IQGAP3: variants seen among roughly 807,000 people sequenced by gnomAD.
IQGAP3 encodes IQ motif containing GTPase activating protein 3.
In IQGAP3, 165 loss-of-function variants were observed where a neutral mutation model predicts 208.2. The observed-to-expected ratio is 0.79, with a 90% confidence interval of 0.70 to 0.90. The LOEUF is 0.90. IQGAP3 is among the 40% of genes least tolerant of loss of function. The probability of loss-of-function intolerance (pLI) is 0.00; values close to 1 mark genes in which losing one functional copy is unlikely to be tolerated. For missense variants in IQGAP3, 1,811 were observed against 2,043.1 expected, an observed-to-expected ratio of 0.89 and a Z score of 2.19; for synonymous variants, 703 against 803.6, an observed-to-expected ratio of 0.87 and a Z score of 2.12.
At position 156,530,280 on chromosome 1, in the gene IQGAP3, G is replaced by A. The variant is rs1044754353; in HGVS notation, c.4229C>T (p.Ala1410Val). 3 of 1,611,104 alleles carry A rather than the reference G, an allele frequency of 1.9e-6. No homozygotes were observed. The highest frequency in any genetic ancestry group is 2.2e-5 in the East Asian group (1 of 44,894). ...AHKQLMSRRQACTAQTPEPLR... is the reference protein window; with the variant it reads ...AHKQLMSRRQVCTAQTPEPLR... Reference sequence around the variant, plus strand: ...TGGCTCCGGTGTCTGGGCTGTACAGGCCTGGCGTCGGCTCATCAGCTGCTT... The same window carrying A: ...TGGCTCCGGTGTCTGGGCTGTACAGACCTGGCGTCGGCTCATCAGCTGCTT... The change falls in exon 34 of 38, where the codon GCC (alanine) becomes GTC (valine). Residue 1410 changes from alanine to valine, a missense_variant. Physicochemically the swap from Ala to Val is moderately conservative, Grantham distance 64. Coordinates refer to ENST00000361170, the MANE Select transcript of IQGAP3 (RefSeq NM_178229.5).
At chr1:156,562,153 AT>A in intron 9 of IQGAP3, 152 bp from the exon 10 acceptor site, 1 of 723,788 alleles carries the variant, frequency 1.4e-6, no homozygotes, top group East Asian at 2.7e-5. Context: ...TTCAGCCCAA[AT>A]TCTTCAGCTT....
Position 156,551,963 on chromosome 1 carries a change from A to C in IQGAP3, c.1570+11T>G. The C allele has an allele frequency of 6.2e-7, 1 of 1,612,810 alleles. No individual in the cohort carries two copies. The highest frequency in any genetic ancestry group is 8.5e-7 in the Non-Finnish European group (1 of 1,179,210). Reference sequence around the variant, plus strand: ...TTGGGCCATCTCCACCCAGCTCCAGACTATACTTACGGTCAGTCTCTTCCT... The same window carrying C: ...TTGGGCCATCTCCACCCAGCTCCAGCCTATACTTACGGTCAGTCTCTTCCT... On this transcript the variant is annotated intron_variant, in intron 14 of 37. Coordinates refer to ENST00000361170, the MANE Select transcript of IQGAP3 (RefSeq NM_178229.5).
chr1:156,544,448 G>A lies in IQGAP3; in HGVS notation c.2329C>T (p.Arg777Trp), dbSNP rs757525039. 1.4e-5 allele frequency: 22 copies of A among 1,613,788 alleles called. No homozygotes were observed. The highest frequency in any genetic ancestry group is 2.2e-5 in the East Asian group (1 of 44,904). ...IQAHWRGYRQRKIYLEWLQYF... is the reference protein window; with the variant it reads ...IQAHWRGYRQWKIYLEWLQYF... ...TGCAACCACTCCAGGTAAATCTTCC[G>A]CTGCCTATAACCCCGCCAATGAGCC... is the stretch of plus-strand genomic sequence containing the variant. The change falls in exon 20 of 38, where the codon CGG becomes TGG. Residue 777 changes from arginine (R) to tryptophan (W), a missense_variant. Transcript: ENST00000361170.
chr1:156,537,125 TG>T, intron 27 of IQGAP3, 55 bp downstream of exon 27: 2 of 1,568,724 alleles, frequency 1.3e-6, no homozygotes, highest in Non-Finnish European at 1.7e-6. Context: ...CTCCCCATGG[TG>T]GCCTGGCCCT....
Position 156,566,055 on chromosome 1 carries a change from G to A in IQGAP3, c.332C>T (p.Ser111Phe), listed in dbSNP as rs1221749675. 3 of 1,613,684 alleles carry A rather than the reference G, an allele frequency of 1.9e-6. No individual in the cohort carries two copies. The East Asian group carries it at 6.7e-5, about 36-fold the overall frequency. The change falls in exon 4 of 38, where the codon TCT (serine) becomes TTT (phenylalanine). Residue 111 changes from serine (S) to phenylalanine (F), a missense_variant. Transcript: ENST00000361170. ...RHTDNINFWLSAIAHIGLPST... is the reference protein window; with the variant it reads ...RHTDNINFWLFAIAHIGLPST... ...AGGCAGACCGATGTGGGCTATTGCA[G>A]ATAGCCAAAAGTTGATGTTGTCTGT...
At position 156,528,900 on chromosome 1, in the gene IQGAP3, G is replaced by A. The variant is rs370886023; in HGVS notation, c.4571+16C>T. Reference sequence around the variant, plus strand: ...AGTCACTCGTAACCTTCCAAGTACGGGAAAGCAGCACCTACTTGGAGTCGG... The same window carrying A: ...AGTCACTCGTAACCTTCCAAGTACGAGAAAGCAGCACCTACTTGGAGTCGG... On this transcript the variant is annotated intron_variant, in intron 35 of 37. Transcript: ENST00000361170. 6.2e-7 allele frequency: 1 copy of A among 1,613,962 alleles called. No homozygotes were observed. The highest frequency in any genetic ancestry group is 1.3e-5 in the African/African-American group (1 of 74,930).
rs139296055 is a variant in IQGAP3, at chr1:156,531,150, G to A, written c.4191+10C>T. 3.9e-4 allele frequency: 618 copies of A among 1,600,726 alleles called. 1 individual carries two copies. The African/African-American group carries it at 5.7e-3, about 15-fold the overall frequency. ...TGAGACAGAACCTGTGGGCCAGCCC[G>A]GCTACTCACTTGCTCTCTGGAAGCC... On this transcript the variant is annotated intron_variant, in intron 33 of 37. Coordinates refer to ENST00000361170, the MANE Select transcript of IQGAP3 (RefSeq NM_178229.5).
At chr1:156,565,843 G>A (rs1001068191) in intron 4 of IQGAP3, among the ~76,000 whole-genome samples, 184 bp downstream of exon 4, 1 of 152,194 alleles carries the variant, frequency 6.6e-6, no homozygotes, top group Non-Finnish European at 1.5e-5. Flanking sequence ...CAGGGAAGAG[G>A]AGGCAGAGAA....
chr1:156,550,054 C>T (rs755123215), intron 16 of IQGAP3, among the ~76,000 whole-genome samples: 9 of 152,206 alleles, frequency 5.9e-5, no homozygotes, highest in Non-Finnish European at 1.0e-4. Context: ...TGGATTCTCA[C>T]CTCCTGAGAA....
chr1:156,540,712 A>C lies in IQGAP3; in HGVS notation c.2735T>G (p.Leu912Arg), dbSNP rs1674935874. The change falls in exon 23 of 38, where the codon CTG becomes CGG. Residue 912 changes from leucine to arginine, a missense_variant. Physicochemically the swap from Leu to Arg is moderately radical, Grantham distance 102. Transcript: ENST00000361170. ...IGLLVKNRITLQEVVSHCKKL... is the reference protein window; with the variant it reads ...IGLLVKNRITRQEVVSHCKKL... ...GAGGACTGGTGGGCCCCATACCTGC[A>C]GAGTGATCCGGTTCTTCACCAGCAG... The C allele has an allele frequency of 6.2e-7, 1 of 1,613,768 alleles. No individual in the cohort carries two copies. The highest frequency in any genetic ancestry group is 2.2e-5 in the East Asian group (1 of 44,884).
intron 33 of IQGAP3, among the ~76,000 whole-genome samples, chr1:156,530,752 G>A (rs1237525440): frequency 6.6e-6 from 1 of 152,190 alleles, no homozygotes; most frequent in Non-Finnish European, 1.5e-5. Flanking sequence ...GGAAGACCCT[G>A]GTTCAGTCTT....
chr1:156,563,653 G>C lies in IQGAP3; in HGVS notation c.519C>G (p.Ser173Arg). 6.2e-7 allele frequency: 1 copy of C among 1,612,920 alleles called. No individual in the cohort carries two copies. Among genetic ancestry groups the C allele is most frequent in the South Asian group, 1.1e-5 (1 of 90,730 alleles). ...ATTTGGCCAGTTCGGACGCCATGTT[G>C]CTGAGTTCCTCAGCTGCAATGATGC... ...GKVKFTAEEL[S>R]NMASELAKYG... The change falls in exon 7 of 38, where the codon AGC becomes AGG. Residue 173 changes from serine (S) to arginine (R), a missense_variant. Coordinates refer to ENST00000361170, the MANE Select transcript of IQGAP3 (RefSeq NM_178229.5).
At chr1:156,568,016 T>C (rs1380123287) in intron 2 of IQGAP3, among the ~76,000 whole-genome samples, 1 of 152,242 alleles carries the variant, frequency 6.6e-6, no homozygotes, top group Non-Finnish European at 1.5e-5. Context: ...AACTCCCAGA[T>C]TGAACTTAGC....
rs1339957134 is a variant in IQGAP3 at position 156,548,168 on chromosome 1, G to A, written c.2209C>T (p.Leu737Phe). Residue 737 changes from leucine to phenylalanine, a missense_variant, in exon 19 of 38, where the codon CTC becomes TTC. Physicochemically the swap from Leu to Phe is conservative, Grantham distance 22. Transcript: ENST00000361170. Reference protein sequence around the residue: ...WKANVGFVIQLQARLRGFLVR... With the variant: ...WKANVGFVIQFQARLRGFLVR... ...AGGAAGCCACGGAGGCGGGCCTGGA[G>A]CTGGATAACAAAGCCGACGTTGGCT... 2.5e-6 allele frequency: 4 copies of A among 1,614,016 alleles called. No individual in the cohort carries two copies. The highest frequency in any genetic ancestry group is 3.4e-6 in the Non-Finnish European group (4 of 1,180,000).
At chr1:156,571,080 G>A (rs193276069) in intron 1 of IQGAP3, among the ~76,000 whole-genome samples, 9 of 152,306 alleles carry the variant, frequency 5.9e-5, no homozygotes, top group Non-Finnish European at 1.2e-4. Context: ...GTCACCCGAG[G>A]AGGAAAAGAA....
At position 156,564,590 on chromosome 1, in the gene IQGAP3, G is replaced by A. The variant is rs778501880; in HGVS notation, c.437+25C>T. The A allele has an allele frequency of 3.3e-6, 5 of 1,519,124 alleles. No homozygotes were observed. The South Asian group carries it at 4.5e-5, about 14-fold the overall frequency. The allele number at this position is 1,519,124 out of a possible 1,614,324, so 94.1% of individuals were successfully genotyped here. ...GGTCGCATCCACCTAGAGGAACCTG[G>A]ATGATAAAATTTGAGGTCTCTCACC... On this transcript the variant is annotated intron_variant, in intron 5 of 37. Coordinates refer to ENST00000361170, the MANE Select transcript of IQGAP3 (RefSeq NM_178229.5).
At chr1:156,562,720 C>T in intron 8 of IQGAP3, 55 bp from the exon 9 acceptor site, 1 of 1,377,156 alleles carries the variant, frequency 7.3e-7, no homozygotes, top group Non-Finnish European at 1.0e-6. Context: ...TCTCCTTGTC[C>T]TGCTCTTCCC....
In IQGAP3 at chr1:156,530,193, C is replaced by T. The variant is rs201439773; in HGVS notation, c.4316G>A (p.Arg1439His). Residue 1439 changes from arginine to histidine, a missense_variant, in exon 34 of 38, where the codon CGC (arginine) becomes CAC (histidine). Transcript: ENST00000361170. ...AAGTCGGCGTAGGTTCCGCAGGACG[C>T]GCCGCTGCTTCTCTGCCAGTGGCAG... ...SLLPLAEKQR[R>H]VLRNLRRLEA... The T allele has an allele frequency of 6.8e-5, 109 of 1,612,744 alleles. 3 individuals carry two copies. The highest frequency in any genetic ancestry group is 5.0e-4 in the South Asian group (45 of 90,634).
chr1:156,534,132 G>C lies in IQGAP3; in HGVS notation c.3750C>G (p.Ile1250Met). The C allele has an allele frequency of 6.2e-7, 1 of 1,613,700 alleles. No individual in the cohort carries two copies. The highest frequency in any genetic ancestry group is 8.5e-7 in the Non-Finnish European group (1 of 1,180,030). Residue 1250 changes from isoleucine (I) to methionine (M), a missense_variant, in exon 30 of 38, where the codon ATC (isoleucine) becomes ATG (methionine). Physicochemically the swap from Ile to Met is conservative, Grantham distance 10. Transcript: ENST00000361170. The part of the protein sequence containing the change: ...EETHLKFRKF[I>M]HRACQVPEPE... ...GCTCTGGCACCTGGCAGGCTCTATGGATGAACTTCCTGTCCAGAGGGCGGG... is the reference window on the plus strand; with the variant it reads ...GCTCTGGCACCTGGCAGGCTCTATGCATGAACTTCCTGTCCAGAGGGCGGG...
Sources: allele counts gnomAD v4.1 joint callset (sites outside exome capture counted in the v4.1 genomes callset), GRCh38; gene constraint gnomAD v4.1.1; transcripts MANE v1.5; gene names NCBI Gene and HGNC (gene_info 2026-07-23, HGNC 2026-07-21).